The following TGFA variants were observed in gnomAD, a reference collection of about 807,000 sequenced individuals.
TGFA encodes the protein transforming growth factor alpha, also known as protransforming growth factor alpha.
TGFA carries 12 observed loss-of-function variants against 21.7 expected under a neutral mutation model. That is an observed-to-expected ratio of 0.55 (90% CI 0.35 to 0.90). The LOEUF (loss-of-function observed/expected upper bound fraction) is 0.90, where lower values mean the gene tolerates loss of function less well. TGFA is among the 40% of genes least tolerant of loss of function. The pLI is 0.01. For synonymous variants in TGFA, 79 were observed against 88.1 expected (o/e 0.90, Z 0.58); for missense variants, 178 against 210.8 (o/e 0.84, Z 0.96).
At chr2:70,481,531 G>GT (rs1277477163) in intron 2 of TGFA, among the ~76,000 whole-genome samples, 1 of 152,004 alleles carries the variant, frequency 6.6e-6, no homozygotes, top group African/African-American at 2.4e-5. Flanking sequence ...GGTCTTTGTG[G>GT]TCCTAAACTC....
chr2:70,475,840 A>G (rs1357633899), intron 2 of TGFA, among the ~76,000 whole-genome samples: 1 of 152,078 alleles, frequency 6.6e-6, no homozygotes, highest in Non-Finnish European at 1.5e-5. Context: ...CCCTGGGAAG[A>G]CCACTACCTC....
At chr2:70,451,008 G>A in intron 5 of TGFA, 142 bp from the exon 6 acceptor site, 1 of 971,534 alleles carries the variant, frequency 1.0e-6, no homozygotes, top group South Asian at 1.4e-5. Context: ...TCCAAATTCT[G>A]CTGGTTCAGT....
chr2:70,546,786 C>T lies in TGFA; in HGVS notation c.40+6942G>A, dbSNP rs143354036. Among the ~76,000 whole-genome samples, 971 of 152,166 alleles carry T rather than the reference C, an allele frequency of 6.4e-3. 12 individuals are homozygous for T. Among genetic ancestry groups the T allele is most frequent in the African/African-American group, 0.022 (930 of 41,518 alleles). On this transcript the variant is annotated intron_variant, in intron 1 of 5. Coordinates refer to ENST00000295400, the MANE Select transcript of TGFA (RefSeq NM_003236.4). The stretch of plus-strand genomic sequence containing the variant: ...CCCAGGCTGGTCTTGAACTCCTGGG[C>T]TCAAGTGATCTGCCTGCCTCAACCT...
chr2:70,470,994 G>A (rs1202719519), intron 2 of TGFA, among the ~76,000 whole-genome samples: 2 of 152,090 alleles, frequency 1.3e-5, no homozygotes, highest in East Asian at 3.9e-4. Flanking sequence ...CCATATTAGA[G>A]AATAAAACCC....
chr2:70,514,094 T>G (rs1672188197), intron 2 of TGFA, among the ~76,000 whole-genome samples: 1 of 152,194 alleles, frequency 6.6e-6, no homozygotes, highest in South Asian at 2.1e-4. Context: ...AAATATCCAA[T>G]GGGAAATGTT....
At chr2:70,528,689 C>G (rs1238638104) in intron 1 of TGFA, among the ~76,000 whole-genome samples, 1 of 152,166 alleles carries the variant, frequency 6.6e-6, no homozygotes, top group Non-Finnish European at 1.5e-5. Flanking sequence ...CTTAGGCGCT[C>G]TGGCTCTCAG....
rs1457046690 is a variant in TGFA, at chr2:70,448,337, G to T, written c.*2522C>A. On this transcript the variant is annotated 3_prime_UTR_variant, in exon 6 of 6. Coordinates refer to ENST00000295400, the MANE Select transcript of TGFA (RefSeq NM_003236.4). ...AATGTTTGTTATTTTTTTAAATGGG[G>T]GCTTTTCATTGTCTCCTGAGCCATT... is the stretch of plus-strand genomic sequence containing the variant. 1 of 152,104 alleles carries T rather than the reference G, an allele frequency of 6.6e-6. No individual in the cohort carries two copies. Among genetic ancestry groups the T allele is most frequent in the Non-Finnish European group, 1.5e-5 (1 of 68,014 alleles). 9.4% of individuals were successfully genotyped at this position (152,104 alleles called of 1,614,324 possible).
rs1294867806 is a variant in TGFA at position 70,553,575 on chromosome 2, CCCCTTGCCT to C, written c.40+144_40+152del. ...CCCCTCTTTGTCATTCTTAATGACT[CCCCTTGCCT>C]CCCAGGCGCCAACCCATTGAGACTA... On this transcript the variant is annotated intron_variant, in intron 1 of 5. Coordinates refer to ENST00000295400, the MANE Select transcript of TGFA (RefSeq NM_003236.4). The C allele has an allele frequency of 2.3e-6, 3 of 1,310,996 alleles. No individual in the cohort carries two copies. The African/African-American group carries it at 4.6e-5, about 20-fold the overall frequency. 81.2% of individuals were successfully genotyped at this position (1,310,996 alleles called of 1,614,324 possible).
In TGFA at chr2:70,499,860, G is replaced by A. The variant is rs922890484; in HGVS notation, c.94+14999C>T. Among the ~76,000 whole-genome samples the A allele has an allele frequency of 2.6e-5, 4 of 152,298 alleles. No individual in the cohort carries two copies. In the East Asian group the frequency reaches 7.7e-4, roughly 29 times the overall value. ...GAAACCCAGGATTGAAGGAAAGGAT[G>A]TGAGTGAAAACAAATGTGTCGCAAG... On this transcript the variant is annotated intron_variant, in intron 2 of 5. Coordinates refer to ENST00000295400, the MANE Select transcript of TGFA (RefSeq NM_003236.4).
At chr2:70,517,427 G>A (rs1672320169) in intron 1 of TGFA, among the ~76,000 whole-genome samples, 1 of 152,204 alleles carries the variant, frequency 6.6e-6, no homozygotes, top group Non-Finnish European at 1.5e-5. Flanking sequence ...CAGGGCTCAG[G>A]TCTCTCACTT....
At chr2:70,510,048 T>G (rs1327378939) in intron 2 of TGFA, among the ~76,000 whole-genome samples, 1 of 152,204 alleles carries the variant, frequency 6.6e-6, no homozygotes, top group African/African-American at 2.4e-5. Flanking sequence ...ATAAAAATAC[T>G]CTGTCCCCAA....
chr2:70,495,590 A>C (rs933275394), intron 2 of TGFA, among the ~76,000 whole-genome samples: 5 of 152,206 alleles, frequency 3.3e-5, no homozygotes, highest in Admixed American at 6.5e-5. Flanking sequence ...GGTATTCTTC[A>C]AACAGATTCT....
At chr2:70,535,787 AT>A (rs1672953050) in intron 1 of TGFA, among the ~76,000 whole-genome samples, 1 of 152,254 alleles carries the variant, frequency 6.6e-6, no homozygotes, top group Non-Finnish European at 1.5e-5. Flanking sequence ...TACATAGTGA[AT>A]TGATGTTGTT....
At chr2:70,493,491 C>T (rs782363872) in intron 2 of TGFA, among the ~76,000 whole-genome samples, 15 of 152,178 alleles carry the variant, frequency 9.9e-5, no homozygotes, top group South Asian at 8.3e-4. Context: ...CCTCCACCCC[C>T]GATTTGTTTT....
intron 2 of TGFA, among the ~76,000 whole-genome samples, chr2:70,469,204 A>G (rs1368774008): frequency 6.6e-6 from 1 of 152,174 alleles, no homozygotes; most frequent in African/African-American, 2.4e-5. Context: ...CTACTGAATC[A>G]GGATCTCTGG....
intron 2 of TGFA, among the ~76,000 whole-genome samples, chr2:70,510,458 G>A (rs995007876): frequency 3.3e-5 from 5 of 152,086 alleles, no homozygotes; most frequent in Non-Finnish European, 5.9e-5. Context: ...GTGGTCATGT[G>A]AAAAACCTCA....
At chr2:70,525,523 A>C (rs1672606171) in intron 1 of TGFA, among the ~76,000 whole-genome samples, 1 of 152,078 alleles carries the variant, frequency 6.6e-6, no homozygotes, top group African/African-American at 2.4e-5. Flanking sequence ...GGGTAAATAC[A>C]CTTACTTCTT....
chr2:70,474,780 G>A (rs1470790629), intron 2 of TGFA, among the ~76,000 whole-genome samples: 1 of 152,178 alleles, frequency 6.6e-6, no homozygotes, highest in East Asian at 1.9e-4. Context: ...CTTCAAACAA[G>A]ATGCTGTAGG....
chr2:70,510,516 C>G (rs988660847), intron 2 of TGFA, among the ~76,000 whole-genome samples: 1 of 152,114 alleles, frequency 6.6e-6, no homozygotes, highest in Non-Finnish European at 1.5e-5. Flanking sequence ...CAAATCCAAA[C>G]AGGAACCAGA....
Sources: allele counts gnomAD v4.1 joint callset (sites outside exome capture counted in the v4.1 genomes callset), GRCh38; gene constraint gnomAD v4.1.1; transcripts MANE v1.5; gene names NCBI Gene and HGNC (gene_info 2026-07-23, HGNC 2026-07-21).